Variants in MCF2L2 observed in about 807,000 individuals in gnomAD.
MCF2L2 encodes probable guanine nucleotide exchange factor MCF2L2.
In MCF2L2, 102 loss-of-function variants were observed where a neutral mutation model predicts 150.2. The observed-to-expected ratio is 0.68, with a 90% CI of 0.58 to 0.80. MCF2L2 has a LOEUF of 0.80. Ranked by LOEUF, MCF2L2 falls within the 30% of genes least tolerant of loss-of-function variation. The pLI, the probability that MCF2L2 is intolerant of heterozygous loss-of-function variation, is 0.00. For missense variants in MCF2L2, 1,256 were observed against 1,372.8 expected, an observed-to-expected ratio of 0.91 and a Z score of 1.34; for synonymous variants, 465 against 491.3, an observed-to-expected ratio of 0.95 and a Z score of 0.71.
intron 5 of MCF2L2, among the ~76,000 whole-genome samples, chr3:183,326,017 T>C (rs1200073110): frequency 2.6e-5 from 4 of 152,006 alleles, no homozygotes; most frequent in Admixed American, 2.6e-4. Flanking sequence ...GTAAAACAAT[T>C]TTGTAAAAGA....
chr3:183,182,827 CG>C (rs1444053127), intron 27 of MCF2L2: 1 of 152,270 alleles, frequency 6.6e-6, no homozygotes, highest in African/African-American at 2.4e-5. Context: ...GAGGAAAGTG[CG>C]GCTCACAGGG....
At chr3:183,299,082 C>T (rs1577041417) in intron 11 of MCF2L2, 1 of 152,358 alleles carries the variant, frequency 6.6e-6, no homozygotes, top group South Asian at 2.1e-4. Flanking sequence ...CTCCAGAAAC[C>T]GCTGCTCCTG....
chr3:183,206,694 A>G (rs1722485613), intron 23 of MCF2L2, among the ~76,000 whole-genome samples: 1 of 152,114 alleles, frequency 6.6e-6, no homozygotes, highest in South Asian at 2.1e-4. Context: ...CAACATGGTG[A>G]AACCCTGTCT....
chr3:183,219,122 T>TA (rs1026603214), intron 21 of MCF2L2, among the ~76,000 whole-genome samples: 24 of 152,072 alleles, frequency 1.6e-4, no homozygotes, highest in African/African-American at 5.6e-4. Flanking sequence ...GGCAGACTCT[T>TA]AGAGTTCACA....
rs1217346221 is a variant in MCF2L2, at chr3:183,276,939, T to C, written c.1795A>G (p.Ser599Gly). ...TCAGGGTTCCCCCTTTCATGATGGC[T>C]TTCAAAGATTTCTTCACTCTGAAGT... ...FEVKSEEIFE[S>G]HHERGNPELE... Residue 599 changes from serine (S) to glycine (G), a missense_variant, in exon 15 of 30, where the codon AGC becomes GGC. Physicochemically the swap from Ser to Gly is moderately conservative, Grantham distance 56. Transcript: ENST00000328913. The C allele has an allele frequency of 1.2e-6, 2 of 1,607,942 alleles. No homozygotes were observed. Among genetic ancestry groups the C allele is most frequent in the South Asian group, 2.2e-5 (2 of 89,850 alleles).
intron 15 of MCF2L2, among the ~76,000 whole-genome samples, chr3:183,248,954 G>A (rs756787971): frequency 2.7e-4 from 41 of 152,330 alleles, no homozygotes; most frequent in Admixed American, 4.6e-4. Flanking sequence ...GGCCAGCCAT[G>A]TAGCCCCCAT....
chr3:183,191,108 T>G (rs768464203), intron 27 of MCF2L2, among the ~76,000 whole-genome samples: 5 of 152,124 alleles, frequency 3.3e-5, no homozygotes, highest in Non-Finnish European at 5.9e-5. Flanking sequence ...ACTCCTGACC[T>G]CAGGTGATCC....
At chr3:183,379,865 A>G (rs781432977) in intron 2 of MCF2L2, among the ~76,000 whole-genome samples, 11 of 151,866 alleles carry the variant, frequency 7.2e-5, no homozygotes, top group Admixed American at 6.6e-4. Context: ...TGTTTCTTTC[A>G]TATTTATATA....
At chr3:183,301,256 T>C (rs976983677) in intron 10 of MCF2L2, among the ~76,000 whole-genome samples, 19 of 152,106 alleles carry the variant, frequency 1.2e-4, no homozygotes, top group Admixed American at 9.8e-4. Flanking sequence ...TGGGAGTTCA[T>C]TGGTAAAGAA....
intron 12 of MCF2L2, 93 bp from the exon 13 acceptor site, chr3:183,295,570 C>T: frequency 8.0e-7 from 1 of 1,256,220 alleles, no homozygotes; most frequent in Non-Finnish European, 1.1e-6. Flanking sequence ...TCCCCTACTC[C>T]CCCCATCCCT....
intron 1 of MCF2L2, 124 bp downstream of exon 1, chr3:183,427,778 C>A: frequency 1.2e-6 from 1 of 821,686 alleles, no homozygotes; most frequent in Admixed American, 2.3e-5. Flanking sequence ...GGCCCAGATG[C>A]CGGGCAACCC....
At chr3:183,210,585 A>G (rs1488682183) in intron 22 of MCF2L2, among the ~76,000 whole-genome samples, 1 of 152,216 alleles carries the variant, frequency 6.6e-6, no homozygotes, top group African/African-American at 2.4e-5. Context: ...TTGTAAGAAC[A>G]CATTTGGTCA....
rs538478252 is a variant in MCF2L2, at chr3:183,245,858, A to C, written c.1863-14841T>G. 2.0e-5 allele frequency among the ~76,000 whole-genome samples: 3 copies of C among 152,362 alleles called. No individual in the cohort carries two copies. The South Asian group carries it at 6.2e-4, about 32-fold the overall frequency. ...GGAGGATAACAGTTGAGTTTTGCTC[A>C]GGTAATCTGCCTTCTCTTCCTTCTT... On this transcript the variant is annotated intron_variant, in intron 15 of 29. Coordinates refer to ENST00000328913, the MANE Select transcript of MCF2L2 (RefSeq NM_015078.4).
chr3:183,330,645 C>T (rs1321395086), intron 5 of MCF2L2, among the ~76,000 whole-genome samples: 2 of 152,110 alleles, frequency 1.3e-5, no homozygotes, highest in Non-Finnish European at 2.9e-5. Context: ...TGAATTTTAC[C>T]TGATGTAAAT....
intron 15 of MCF2L2, among the ~76,000 whole-genome samples, chr3:183,264,111 A>G (rs1008324888): frequency 3.3e-5 from 5 of 152,230 alleles, no homozygotes; most frequent in Admixed American, 1.3e-4. Context: ...ACAAAACCAG[A>G]AATTTCTATG....
intron 10 of MCF2L2, among the ~76,000 whole-genome samples, chr3:183,302,945 A>T (rs1728927489): frequency 6.6e-6 from 1 of 152,170 alleles, no homozygotes. Context: ...CAGTAATCCC[A>T]GCACTTTGGG....
chr3:183,418,193 A>C lies in MCF2L2; in HGVS notation c.76+9709T>G, dbSNP rs548975824. Among the ~76,000 whole-genome samples the C allele has an allele frequency of 3.9e-5, 6 of 152,296 alleles. No individual in the cohort carries two copies. The South Asian group carries it at 8.3e-4, about 21-fold the overall frequency. Reference sequence around the variant, plus strand: ...ACAGAGCAAGACTCCATCTCAAAAAATTAAATAAATAAATAAACCCATCAG... The same window carrying C: ...ACAGAGCAAGACTCCATCTCAAAAACTTAAATAAATAAATAAACCCATCAG... On this transcript the variant is annotated intron_variant, in intron 1 of 29. Transcript: ENST00000328913.
In MCF2L2 at chr3:183,428,288, G is replaced by A. The variant is rs550712221; in HGVS notation, c.-311C>T. On this transcript the variant is annotated 5_prime_UTR_variant, in exon 1 of 30. Transcript: ENST00000328913. The surrounding 1 kb of genome is among the most constrained non-coding windows in gnomAD (Gnocchi z 5.1). ...GAACCGCGCCCCGGCTCCTCCGGCC[G>A]GGCGAGCTCCGGGGCTTCCAGAATC... 9.0e-6 allele frequency: 3 copies of A among 333,736 alleles called. No individual in the cohort carries two copies. Among genetic ancestry groups the A allele is most frequent in the Non-Finnish European group, 1.6e-5 (3 of 182,638 alleles). 20.7% of individuals were successfully genotyped at this position (333,736 alleles called of 1,614,324 possible). A position where few individuals can be genotyped will look rare whatever the true frequency, so the allele number is the denominator to read the frequency against.
At chr3:183,195,090 T>C in intron 26 of MCF2L2, 132 bp downstream of exon 26, 1 of 799,236 alleles carries the variant, frequency 1.3e-6, no homozygotes, top group South Asian at 2.0e-5. Context: ...GCCAATATTT[T>C]TTAAAAATTG....
Sources: gnomAD v4.1 joint callset for allele counts (sites outside exome capture counted in the v4.1 genomes callset) on GRCh38, gnomAD v4.1.1 for gene constraint, Gnocchi (gnomAD v3.1) non-coding constraint, MANE v1.5 for transcripts, NCBI Gene and HGNC (gene_info 2026-07-23, HGNC 2026-07-21) for gene names.